Variants in BAZ2B observed in about 807,000 individuals in gnomAD.
BAZ2B encodes the protein bromodomain adjacent to zinc finger domain 2B, also known as bromodomain adjacent to zinc finger domain protein 2B.
Under a neutral mutation model 246.0 loss-of-function variants are expected in BAZ2B, and 91 were observed. The observed-to-expected ratio is 0.37, with a 90% CI of 0.31 to 0.44. The LOEUF is 0.44. Among genes scored for constraint, BAZ2B ranks in the 20% least tolerant of loss-of-function variants. BAZ2B has a pLI of 1.00. For missense variants in BAZ2B, 2,332 were observed against 2,533.7 expected (o/e 0.92, Z 1.71); for synonymous variants, 855 against 860.0 (o/e 0.99, Z 0.10).
chr2:159,561,571 T>A (rs1243990625), intron 1 of BAZ2B, among the ~76,000 whole-genome samples: 2 of 152,220 alleles, frequency 1.3e-5, no homozygotes, highest in Non-Finnish European at 2.9e-5. Flanking sequence ...ATGGCTGGTG[T>A]TACTAAGGAA....
intron 8 of BAZ2B, among the ~76,000 whole-genome samples, chr2:159,437,139 A>G (rs1182035294): frequency 6.6e-6 from 1 of 152,254 alleles, no homozygotes; most frequent in Non-Finnish European, 1.5e-5. Context: ...TACAAGTGAT[A>G]TCTAATTAAG....
intron 1 of BAZ2B, among the ~76,000 whole-genome samples, chr2:159,601,914 A>G (rs193117217): frequency 3.3e-5 from 5 of 152,338 alleles, no homozygotes; most frequent in African/African-American, 1.2e-4. Flanking sequence ...TTTATACAAT[A>G]AAGTTACAAA....
chr2:159,354,439 C>T (rs940717076), intron 27 of BAZ2B, among the ~76,000 whole-genome samples: 1 of 152,112 alleles, frequency 6.6e-6, no homozygotes, highest in African/African-American at 2.4e-5. Flanking sequence ...CAACCTCCAC[C>T]TCCCAGGTTC....
intron 2 of BAZ2B, among the ~76,000 whole-genome samples, chr2:159,489,842 G>A (rs942237889): frequency 1.3e-5 from 2 of 152,138 alleles, no homozygotes; most frequent in African/African-American, 2.4e-5. Flanking sequence ...AAGCCCAGGA[G>A]TTTTAGGCTG....
rs557629975 is a variant in BAZ2B, at chr2:159,320,811, T to C, written c.6354-393A>G. ...TCCTATTATCCATATTAAAAAATGC[T>C]CAGCTGCAGTAGAAATTATGTCAAT... is the stretch of plus-strand genomic sequence containing the variant. On this transcript the variant is annotated intron_variant, in intron 36 of 36. Transcript: ENST00000392783. Among the ~76,000 whole-genome samples, 8 of 152,294 alleles carry C rather than the reference T, an allele frequency of 5.3e-5. 1 individual carries two copies. The South Asian group carries it at 1.7e-3, about 32-fold the overall frequency.
intron 1 of BAZ2B, among the ~76,000 whole-genome samples, chr2:159,560,678 C>T (rs1466592227): frequency 6.6e-6 from 1 of 151,900 alleles, no homozygotes; most frequent in Non-Finnish European, 1.5e-5. Flanking sequence ...CAGGCGCCCA[C>T]CACCACGCCC....
At chr2:159,601,405 C>T (rs2151761671) in intron 1 of BAZ2B, among the ~76,000 whole-genome samples, 1 of 146,760 alleles carries the variant, frequency 6.8e-6, no homozygotes, top group East Asian at 2.0e-4. Flanking sequence ...GAATGGGTGA[C>T]AGAGTGATAC....
At chr2:159,336,676 T>C (rs4665059) in intron 33 of BAZ2B, among the ~76,000 whole-genome samples, 142,959 of 152,204 alleles carry the variant, frequency 0.94, 67,823 homozygotes, top group East Asian at 1. Context: ...ATTGTGCTGA[T>C]GGAATGTGGG....
intron 27 of BAZ2B, among the ~76,000 whole-genome samples, chr2:159,365,082 C>G (rs2060083887): frequency 6.6e-6 from 1 of 152,114 alleles, no homozygotes; most frequent in Non-Finnish European, 1.5e-5. Context: ...TACATATTAT[C>G]AAGACTTAGG....
chr2:159,568,422 A>G (rs150979459), intron 1 of BAZ2B, among the ~76,000 whole-genome samples: 28 of 152,354 alleles, frequency 1.8e-4, no homozygotes, highest in African/African-American at 6.5e-4. Context: ...TAAGGCATGC[A>G]ACAAAAAAAT....
At chr2:159,433,531 C>A (rs1021504334) in intron 8 of BAZ2B, 168 bp from the exon 9 acceptor site, 2 of 554,088 alleles carry the variant, frequency 3.6e-6, no homozygotes, top group Non-Finnish European at 5.8e-6. Flanking sequence ...TAGTTGGTTG[C>A]TACATTTTGG....
chr2:159,378,249 C>T (rs973896153), intron 25 of BAZ2B, among the ~76,000 whole-genome samples: 7 of 152,228 alleles, frequency 4.6e-5, no homozygotes, highest in East Asian at 3.9e-4. Flanking sequence ...AAATTATATA[C>T]CCTTCATATT....
intron 14 of BAZ2B, among the ~76,000 whole-genome samples, chr2:159,408,118 T>C (rs1053584868): frequency 1.3e-5 from 2 of 152,196 alleles, no homozygotes; most frequent in Non-Finnish European, 1.5e-5. Flanking sequence ...ATAATATATA[T>C]AGAACCATGT....
chr2:159,330,787 G>C (rs1220849591), intron 34 of BAZ2B, among the ~76,000 whole-genome samples: 13 of 152,052 alleles, frequency 8.5e-5, no homozygotes, highest in Non-Finnish European at 2.9e-5. Flanking sequence ...GAACCTGGGG[G>C]ACTCAAGACT....
At chr2:159,530,413 A>C (rs1217049843) in intron 2 of BAZ2B, among the ~76,000 whole-genome samples, 2 of 152,232 alleles carry the variant, frequency 1.3e-5, no homozygotes, top group Non-Finnish European at 2.9e-5. Context: ...GCTCACTGAT[A>C]AATGCAGCAA....
chr2:159,457,123 A>G lies in BAZ2B; in HGVS notation c.146-3322T>C, dbSNP rs1234155058. Among the ~76,000 whole-genome samples, 4 of 152,186 alleles carry G rather than the reference A, an allele frequency of 2.6e-5. No individual in the cohort carries two copies. In the East Asian group the frequency reaches 7.7e-4, roughly 29 times the overall value. ...TCTTACAGAATTATTCTGTTATTTAACAGTTTCAGTAATTCAAACATTTCA... is the reference window on the plus strand; with the variant it reads ...TCTTACAGAATTATTCTGTTATTTAGCAGTTTCAGTAATTCAAACATTTCA... On this transcript the variant is annotated intron_variant, in intron 3 of 36. Coordinates refer to ENST00000392783, the MANE Select transcript of BAZ2B (RefSeq NM_013450.4).
chr2:159,614,492 C>T (rs1278673469), intron 1 of BAZ2B, among the ~76,000 whole-genome samples: 4 of 151,720 alleles, frequency 2.6e-5, no homozygotes, highest in African/African-American at 9.7e-5. Flanking sequence ...TTATTAGAAA[C>T]GGGGAGCCAG....
At chr2:159,581,889 A>T (rs139298173) in intron 1 of BAZ2B, among the ~76,000 whole-genome samples, 2 of 128,876 alleles carry the variant, frequency 1.6e-5, no homozygotes, top group East Asian at 2.6e-4. Context: ...ACTTGGACAC[A>T]GAGTCAGGAA....
At chr2:159,349,568 G>A in intron 28 of BAZ2B, 140 bp downstream of exon 28, 1 of 1,056,578 alleles carries the variant, frequency 9.5e-7, no homozygotes, top group Non-Finnish European at 1.3e-6. Context: ...CTTGGTGACA[G>A]AAATTCTGAC....
Sources: allele counts gnomAD v4.1 joint callset (sites outside exome capture counted in the v4.1 genomes callset), GRCh38; gene constraint gnomAD v4.1.1; transcripts MANE v1.5; gene names NCBI Gene and HGNC (gene_info 2026-07-23, HGNC 2026-07-21).